Variants in ALG14 observed in about 807,000 individuals in gnomAD.
ALG14 encodes UDP-N-acetylglucosamine transferase subunit ALG14.
A neutral mutation model predicts 22.8 loss-of-function variants in ALG14; 17 were observed. The observed-to-expected ratio is 0.75, with a 90% CI of 0.51 to 1.12. ALG14 has a LOEUF of 1.12. Ranked by LOEUF, ALG14 falls within the 50% of genes most tolerant of loss-of-function variation. The pLI is 0.00. For missense variants in ALG14, 288 were observed against 271.8 expected (o/e 1.06, Z -0.42); for synonymous variants, 89 against 103.7 (o/e 0.86, Z 0.86).
At chr1:95,019,920 G>T (rs72720242) in intron 3 of ALG14, among the ~76,000 whole-genome samples, 11,982 of 152,168 alleles carry the variant, frequency 0.079, 498 homozygotes, top group African/African-American at 0.11. Flanking sequence ...ACTAGAAAAA[G>T]AAATCCATGA....
chr1:94,982,972 G>A lies in ALG14; in HGVS notation c.*104C>T. ...ATTCCTTACCATCAATAATTCTCAG[G>A]ACTGTCAGACGCCTTTACAAGAAAC... On this transcript the variant is annotated 3_prime_UTR_variant, in exon 4 of 4. Coordinates refer to ENST00000370205, the MANE Select transcript of ALG14 (RefSeq NM_144988.4). The A allele has an allele frequency of 1.1e-6, 1 of 880,634 alleles. No homozygotes were observed. Among genetic ancestry groups the A allele is most frequent in the Non-Finnish European group, 1.8e-6 (1 of 558,154 alleles). 54.6% of individuals were successfully genotyped at this position (880,634 alleles called of 1,614,324 possible). A position where few individuals can be genotyped will look rare whatever the true frequency, so the allele number is the denominator to read the frequency against.
chr1:95,008,688 C>A (rs1673283374), intron 3 of ALG14, among the ~76,000 whole-genome samples: 1 of 152,004 alleles, frequency 6.6e-6, no homozygotes, highest in South Asian at 2.1e-4. Flanking sequence ...ATAAAATTTA[C>A]CCTCTTAACC....
Position 95,071,887 on chromosome 1 carries a change from G to T in ALG14, c.136+876C>A, listed in dbSNP as rs371402914. On this transcript the variant is annotated intron_variant, in intron 1 of 3. Transcript: ENST00000370205. ...TCTCATTGTGGCAAATACTCATTTT[G>T]ATTTATTTTCTGTTAGTTTTTTTGT... is the stretch of plus-strand genomic sequence containing the variant. 5.7e-4 allele frequency among the ~76,000 whole-genome samples: 87 copies of T among 152,244 alleles called. 1 individual carries two copies. Among genetic ancestry groups the T allele is most frequent in the Middle Eastern group, 6.8e-3 (2 of 294 alleles).
intron 2 of ALG14, among the ~76,000 whole-genome samples, chr1:95,032,369 T>A (rs1674037161): frequency 6.6e-6 from 1 of 152,046 alleles, no homozygotes; most frequent in Admixed American, 6.6e-5. Context: ...CTGAATGGAA[T>A]TCATGAAGCT....
intron 3 of ALG14, among the ~76,000 whole-genome samples, chr1:95,014,923 A>G (rs915693400): frequency 6.6e-6 from 1 of 152,204 alleles, no homozygotes; most frequent in Non-Finnish European, 1.5e-5. Flanking sequence ...ATGGCAGCAG[A>G]AAAAGACTCG....
chr1:95,051,693 C>T (rs1301555378), intron 2 of ALG14, among the ~76,000 whole-genome samples: 1 of 152,294 alleles, frequency 6.6e-6, no homozygotes, highest in Non-Finnish European at 1.5e-5. Flanking sequence ...TACATGGACT[C>T]TCGCTATTTT....
intron 3 of ALG14, among the ~76,000 whole-genome samples, chr1:94,994,684 C>T (rs1482325640): frequency 1.3e-5 from 2 of 152,194 alleles, no homozygotes; most frequent in Non-Finnish European, 2.9e-5. Context: ...GGCCAGGGTT[C>T]TCCTCTCTAC....
intron 2 of ALG14, among the ~76,000 whole-genome samples, chr1:95,036,419 CTTTTTTTTTTTTTTTT>C (rs35068075): frequency 1.4e-5 from 1 of 71,860 alleles, no homozygotes; most frequent in Non-Finnish European, 2.4e-5. Context: ...AATTAAACCT[CTTTTTTTTTTTTTTTT>C]TTTTTTTTTG....
chr1:94,988,351 A>G (rs1172350651), intron 3 of ALG14, among the ~76,000 whole-genome samples: 3 of 152,212 alleles, frequency 2.0e-5, no homozygotes, highest in African/African-American at 7.2e-5. Context: ...CCTATCCCTA[A>G]AAGTGTGTCA....
chr1:95,070,852 C>T (rs1261762517), intron 1 of ALG14, among the ~76,000 whole-genome samples: 1 of 152,168 alleles, frequency 6.6e-6, no homozygotes, highest in Non-Finnish European at 1.5e-5. Context: ...CCTCCTACCT[C>T]AGCCTCCCAA....
intron 3 of ALG14, among the ~76,000 whole-genome samples, chr1:94,999,888 C>T (rs1319983861): frequency 1.3e-5 from 2 of 152,194 alleles, no homozygotes; most frequent in Admixed American, 1.3e-4. Context: ...TGATCTCCAC[C>T]ATCCCTGCCT....
chr1:95,066,293 G>C (rs983233091), intron 1 of ALG14, among the ~76,000 whole-genome samples: 1 of 150,914 alleles, frequency 6.6e-6, no homozygotes. Context: ...GTGTGATCTC[G>C]GCTCATTGCA....
intron 2 of ALG14, among the ~76,000 whole-genome samples, chr1:95,064,529 T>C (rs1384746124): frequency 6.6e-6 from 1 of 152,212 alleles, no homozygotes; most frequent in Non-Finnish European, 1.5e-5. Flanking sequence ...TCTGTGTCTA[T>C]TGAGATAATT....
At chr1:95,057,911 C>T (rs1674992277) in intron 2 of ALG14, among the ~76,000 whole-genome samples, 1 of 151,778 alleles carries the variant, frequency 6.6e-6, no homozygotes, top group Admixed American at 6.6e-5. Context: ...AGTATTTACA[C>T]ACTCTGAGAG....
Position 94,996,911 on chromosome 1 carries a change from G to A in ALG14, c.421-13605C>T, listed in dbSNP as rs147560029. On this transcript the variant is annotated intron_variant, in intron 3 of 3. Transcript: ENST00000370205. ...TTGGCCAGGCTGGTATCGAATTCCTGACCTCAGGTGATCCACCCGCCTTGG... is the reference window on the plus strand; with the variant it reads ...TTGGCCAGGCTGGTATCGAATTCCTAACCTCAGGTGATCCACCCGCCTTGG... Among the ~76,000 whole-genome samples the A allele has an allele frequency of 4.5e-4, 69 of 152,198 alleles. 1 individual carries two copies. In the East Asian group the frequency reaches 0.012, roughly 26 times the overall value.
At chr1:95,067,916 T>A (rs774781501) in intron 1 of ALG14, among the ~76,000 whole-genome samples, 1 of 152,212 alleles carries the variant, frequency 6.6e-6, no homozygotes, top group Non-Finnish European at 1.5e-5. Context: ...CCCCGCTTAC[T>A]CAGTCTACTC....
At chr1:95,071,585 G>T (rs2100854192) in intron 1 of ALG14, among the ~76,000 whole-genome samples, 1 of 152,168 alleles carries the variant, frequency 6.6e-6, no homozygotes, top group South Asian at 2.1e-4. Context: ...TTACAATCTG[G>T]ACTCAGTTTA....
rs143828073 is a variant in ALG14 at position 95,036,872 on chromosome 1, T to C, written c.289-9612A>G. On this transcript the variant is annotated intron_variant, in intron 2 of 3. Transcript: ENST00000370205. ...CTCTCTGGACCTCAGTGTCCCACTG[T>C]GAAGCAAGGAGGGCTAGCTGAGATC... 5.7e-4 allele frequency among the ~76,000 whole-genome samples: 87 copies of C among 152,266 alleles called. 2 individuals are homozygous for C. The East Asian group carries it at 0.015, about 27-fold the overall frequency.
intron 2 of ALG14, among the ~76,000 whole-genome samples, chr1:95,058,245 C>T (rs1322096341): frequency 7.8e-6 from 1 of 128,428 alleles, no homozygotes; most frequent in Non-Finnish European, 1.6e-5. Flanking sequence ...AAGATCACGC[C>T]ACTGCACTCT....
Sources: gnomAD v4.1 joint callset for allele counts (sites outside exome capture counted in the v4.1 genomes callset) on GRCh38, gnomAD v4.1.1 for gene constraint, MANE v1.5 for transcripts, NCBI Gene and HGNC (gene_info 2026-07-23, HGNC 2026-07-21) for gene names.